PCBP3: variants seen among roughly 807,000 people sequenced by gnomAD.
The protein encoded by PCBP3 is poly(rC)-binding protein 3.
A neutral mutation model predicts 52.7 loss-of-function variants in PCBP3; 25 were observed. That is an observed-to-expected ratio of 0.47 (90% CI 0.35 to 0.66). The LOEUF is 0.66. Ranked by LOEUF, PCBP3 falls within the 30% of genes least tolerant of loss-of-function variation. PCBP3 has a pLI of 0.01. For synonymous variants in PCBP3, 162 were observed against 183.0 expected (o/e 0.89, Z 0.93); for missense variants, 391 against 490.3 (o/e 0.80, Z 1.91).
chr21:45,684,313 C>T (rs1044079395), intron 2 of PCBP3, among the ~76,000 whole-genome samples: 2 of 152,082 alleles, frequency 1.3e-5, no homozygotes, highest in Admixed American at 6.6e-5. Flanking sequence ...GAAATTTATG[C>T]GGTTCTGATG....
chr21:45,755,308 A>G (rs1334558909), intron 3 of PCBP3, among the ~76,000 whole-genome samples, 109 bp from the exon 4 acceptor site: 5 of 152,156 alleles, frequency 3.3e-5, no homozygotes, highest in Non-Finnish European at 5.9e-5. Flanking sequence ...ACATCCATTC[A>G]CCTATTGATA....
chr21:45,917,317 G>A lies in PCBP3; in HGVS notation c.676-271G>A. On this transcript the variant is annotated intron_variant, in intron 12 of 17. Coordinates refer to ENST00000681687, the MANE Select transcript of PCBP3 (RefSeq NM_001384156.1). The surrounding 1 kb of genome is among the most constrained non-coding windows in gnomAD (Gnocchi z 5.3). Reference sequence around the variant, plus strand: ...TCGATTCTTTTGCTTTAAGAAACTTGGAGTCGGAAGCATCAAGGCTGAACT... The same window carrying A: ...TCGATTCTTTTGCTTTAAGAAACTTAGAGTCGGAAGCATCAAGGCTGAACT... 1 of 382,382 alleles carries A rather than the reference G, an allele frequency of 2.6e-6. No homozygotes were observed. Among genetic ancestry groups the A allele is most frequent in the Non-Finnish European group, 4.7e-6 (1 of 211,082 alleles). The allele number at this position is 382,382 out of a possible 1,614,324, so 23.7% of individuals were successfully genotyped here.
intron 5 of PCBP3, among the ~76,000 whole-genome samples, chr21:45,867,612 G>C (rs932268249): frequency 4.6e-5 from 7 of 152,288 alleles, no homozygotes; most frequent in African/African-American, 1.7e-4. Flanking sequence ...CCAGGTGTTT[G>C]CGACGTGATT....
intron 5 of PCBP3, among the ~76,000 whole-genome samples, chr21:45,852,276 G>A (rs184238123): frequency 9.2e-5 from 14 of 152,334 alleles, no homozygotes; most frequent in Admixed American, 2.6e-4. Context: ...TTCGAAGGTC[G>A]AGGCAAGGAA....
intron 13 of PCBP3, among the ~76,000 whole-genome samples, chr21:45,926,079 C>CACACT (rs2075365857): frequency 6.6e-6 from 1 of 152,360 alleles, no homozygotes; most frequent in Admixed American, 6.5e-5. Flanking sequence ...TCGTATCGAC[C>CACACT]ACACTCTCTT....
chr21:45,866,551 G>A (rs2094732197), intron 5 of PCBP3, among the ~76,000 whole-genome samples: 1 of 152,190 alleles, frequency 6.6e-6, no homozygotes, highest in Non-Finnish European at 1.5e-5. Context: ...AGGCCTCCAG[G>A]GGCTCAGGAG....
At chr21:45,713,388 T>C (rs1225581427) in intron 2 of PCBP3, among the ~76,000 whole-genome samples, 1 of 152,200 alleles carries the variant, frequency 6.6e-6, no homozygotes, top group Non-Finnish European at 1.5e-5. Flanking sequence ...TTGCTCTTGC[T>C]TTCCACCTGC....
intron 1 of PCBP3, among the ~76,000 whole-genome samples, chr21:45,661,983 AT>A (rs201436780): frequency 1.3e-5 from 2 of 149,842 alleles, no homozygotes; most frequent in Non-Finnish European, 1.5e-5. Flanking sequence ...TAATGGGGTT[AT>A]TTTTTTTTCT....
At chr21:45,813,061 A>C (rs976650231) in intron 4 of PCBP3, among the ~76,000 whole-genome samples, 1 of 151,952 alleles carries the variant, frequency 6.6e-6, no homozygotes, top group Non-Finnish European at 1.5e-5. Flanking sequence ...TGTGATTGAC[A>C]CTAGCCATCA....
At chr21:45,795,201 A>G (rs987524103) in intron 4 of PCBP3, among the ~76,000 whole-genome samples, 2 of 152,192 alleles carry the variant, frequency 1.3e-5, no homozygotes, top group African/African-American at 4.8e-5. Flanking sequence ...GGAAATTTCA[A>G]TTGACAAATC....
chr21:45,859,876 C>A (rs2094447191), intron 5 of PCBP3: 1 of 152,274 alleles, frequency 6.6e-6, no homozygotes, highest in African/African-American at 2.4e-5. Context: ...CTTTAACTTC[C>A]TTTAAATGGA....
chr21:45,911,647 G>A (rs892535581), intron 11 of PCBP3, among the ~76,000 whole-genome samples: 1 of 152,138 alleles, frequency 6.6e-6, no homozygotes, highest in African/African-American at 2.4e-5. Flanking sequence ...AATTCATGAA[G>A]CTATCAACAG....
intron 3 of PCBP3, among the ~76,000 whole-genome samples, chr21:45,748,600 A>G (rs9978740): frequency 0.18 from 26,883 of 152,172 alleles, 2,518 homozygotes; most frequent in Middle Eastern, 0.33. Context: ...CTTGCAGCAA[A>G]CCCAAGATAG....
intron 3 of PCBP3, among the ~76,000 whole-genome samples, chr21:45,751,885 G>A (rs1005790985): frequency 3.3e-5 from 5 of 152,198 alleles, no homozygotes; most frequent in Non-Finnish European, 7.3e-5. Flanking sequence ...TCTTGTGAGT[G>A]AAGTAGAGCA....
intron 3 of PCBP3, among the ~76,000 whole-genome samples, chr21:45,738,293 C>T (rs536274736): frequency 1.2e-4 from 17 of 142,152 alleles, no homozygotes; most frequent in East Asian, 4.1e-4. Context: ...CTAGCTCTGT[C>T]GCCCAGGCTG....
intron 2 of PCBP3, among the ~76,000 whole-genome samples, chr21:45,731,308 C>T (rs1042980683): frequency 6.6e-6 from 1 of 152,218 alleles, no homozygotes. Flanking sequence ...TCCAAAGCAA[C>T]GCCTCCCTGA....
At chr21:45,778,839 G>A (rs184820529) in intron 4 of PCBP3, among the ~76,000 whole-genome samples, 98 of 152,248 alleles carry the variant, frequency 6.4e-4, no homozygotes, top group African/African-American at 2.2e-3. Context: ...GGGGTGGGTC[G>A]ATCCTCAGGC....
chr21:45,893,319 G>C (rs1324266297), intron 5 of PCBP3, among the ~76,000 whole-genome samples: 2 of 151,960 alleles, frequency 1.3e-5, no homozygotes, highest in Non-Finnish European at 2.9e-5. Context: ...CAGGAGCTGG[G>C]GGCAGTGGGG....
At chr21:45,816,097 G>GTGAGTGA (rs2092943306) in intron 4 of PCBP3, among the ~76,000 whole-genome samples, 1 of 131,638 alleles carries the variant, frequency 7.6e-6, no homozygotes, top group Non-Finnish European at 1.7e-5. Flanking sequence ...GTGGTGAGTG[G>GTGAGTGA]TGAGTGAGTG....
Sources: allele counts gnomAD v4.1 joint callset (sites outside exome capture counted in the v4.1 genomes callset), GRCh38; gene constraint gnomAD v4.1.1; non-coding constraint Gnocchi (gnomAD v3.1); transcripts MANE v1.5; gene names NCBI Gene and HGNC (gene_info 2026-07-23, HGNC 2026-07-21).